The following RSRC1 variants were observed in gnomAD, a reference collection of about 807,000 sequenced individuals.
RSRC1 encodes arginine and serine rich coiled-coil 1.
Under a neutral mutation model 49.1 loss-of-function variants are expected in RSRC1, and 39 were observed. The observed-to-expected ratio is 0.79, with a 90% CI of 0.61 to 1.04. RSRC1 has a LOEUF of 1.04. Ranked by LOEUF, RSRC1 falls within the 50% of genes least tolerant of loss-of-function variation. RSRC1 has a pLI of 0.00. For synonymous variants in RSRC1, 143 were observed against 130.8 expected (o/e 1.09, Z -0.63); for missense variants, 388 against 402.4 (o/e 0.96, Z 0.31).
intron 7 of RSRC1, among the ~76,000 whole-genome samples, chr3:158,518,126 G>GTATA (rs1322921127): frequency 1.0e-3 from 72 of 68,838 alleles, no homozygotes; most frequent in South Asian, 1.8e-3. Flanking sequence ...GTGTGTGTGT[G>GTATA]TATATATATA....
In RSRC1 at chr3:158,544,814, T is replaced by A. The variant is rs1239038247; in HGVS notation, c.*539T>A. ...AAAAATTTTTGAAACTTAAATAAAT[T>A]GGTGATTTTGCTTAGAGATCAGCTT... On this transcript the variant is annotated 3_prime_UTR_variant, in exon 10 of 10. Transcript: ENST00000611884. 1 of 152,298 alleles carries A rather than the reference T, an allele frequency of 6.6e-6. No individual in the cohort carries two copies. The highest frequency in any genetic ancestry group is 1.9e-4 in the East Asian group (1 of 5,210). 9.4% of individuals were successfully genotyped at this position (152,298 alleles called of 1,614,324 possible).
chr3:158,258,717 G>A (rs1724717481), intron 4 of RSRC1, among the ~76,000 whole-genome samples: 1 of 152,004 alleles, frequency 6.6e-6, no homozygotes, highest in Non-Finnish European at 1.5e-5. Flanking sequence ...GGATCTTGTA[G>A]GTGTGCTTCA....
In RSRC1 at chr3:158,194,695, G is replaced by A. The variant is rs533748533; in HGVS notation, c.321-8377G>A. ...CGGTGTGTGATGTTCCCCTTCCTGT[G>A]TCCGTGTGTTCTCATTGTTCAATTC... On this transcript the variant is annotated intron_variant, in intron 3 of 9. Transcript: ENST00000611884. Among the ~76,000 whole-genome samples, 17 of 131,800 alleles carry A rather than the reference G, an allele frequency of 1.3e-4. No homozygotes were observed. The South Asian group carries it at 3.3e-3, about 25-fold the overall frequency. The allele number at this position is 131,800 out of a possible 152,430, so 86.5% of individuals were successfully genotyped here. A position where few individuals can be genotyped will look rare whatever the true frequency, so the allele number is the denominator to read the frequency against.
intron 5 of RSRC1, among the ~76,000 whole-genome samples, chr3:158,326,730 G>A (rs1227506822): frequency 6.6e-6 from 1 of 152,204 alleles, no homozygotes; most frequent in African/African-American, 2.4e-5. Flanking sequence ...GTATCAGGAT[G>A]ATGCTGGCCT....
intron 7 of RSRC1, among the ~76,000 whole-genome samples, chr3:158,466,159 C>T (rs181741839): frequency 1.3e-5 from 2 of 152,234 alleles, no homozygotes; most frequent in African/African-American, 2.4e-5. Context: ...TGTGTTAATT[C>T]ATTTTTAACT....
intron 7 of RSRC1, among the ~76,000 whole-genome samples, chr3:158,461,726 T>C (rs908479598): frequency 2.0e-5 from 3 of 151,880 alleles, no homozygotes; most frequent in African/African-American, 7.2e-5. Context: ...CATGTCACTT[T>C]ATTGGCTAAT....
intron 7 of RSRC1, among the ~76,000 whole-genome samples, chr3:158,517,117 C>T (rs543363113): frequency 1.9e-4 from 29 of 152,330 alleles, no homozygotes; most frequent in African/African-American, 6.5e-4. Context: ...ATCTTGGCTC[C>T]TCCCTCCATT....
chr3:158,405,911 A>C (rs772085999), intron 6 of RSRC1, among the ~76,000 whole-genome samples: 2 of 152,116 alleles, frequency 1.3e-5, no homozygotes, highest in Non-Finnish European at 2.9e-5. Flanking sequence ...AAAATTCTCA[A>C]AATTTACTTT....
chr3:158,457,745 T>G (rs1170773319), intron 6 of RSRC1, among the ~76,000 whole-genome samples: 2 of 138,968 alleles, frequency 1.4e-5, no homozygotes, highest in East Asian at 3.9e-4. Context: ...TTTTTGTTTT[T>G]TTTTTTTGTT....
intron 6 of RSRC1, among the ~76,000 whole-genome samples, chr3:158,368,361 C>T (rs1002485949): frequency 2.6e-5 from 4 of 152,220 alleles, no homozygotes; most frequent in African/African-American, 9.6e-5. Context: ...CCTGGCAGGC[C>T]TTGCAGGCCA....
chr3:158,390,317 C>T (rs1247525386), intron 6 of RSRC1, among the ~76,000 whole-genome samples: 1 of 152,170 alleles, frequency 6.6e-6, no homozygotes, highest in Non-Finnish European at 1.5e-5. Flanking sequence ...GTTTACCTTG[C>T]AACTATAGTT....
intron 5 of RSRC1, among the ~76,000 whole-genome samples, chr3:158,350,859 C>T (rs1730832956): frequency 6.6e-6 from 1 of 152,084 alleles, no homozygotes; most frequent in Admixed American, 6.5e-5. Context: ...CTAATACATG[C>T]TAAAATAACT....
intron 5 of RSRC1, among the ~76,000 whole-genome samples, chr3:158,324,648 T>C (rs1477475505): frequency 1.3e-5 from 2 of 152,194 alleles, no homozygotes; most frequent in African/African-American, 4.8e-5. Context: ...GACATTTGGG[T>C]TGGTTCCAAG....
chr3:158,212,368 A>G (rs1578202766), intron 4 of RSRC1, among the ~76,000 whole-genome samples: 1 of 150,462 alleles, frequency 6.6e-6, no homozygotes. Context: ...TCCAGACTGC[A>G]TTAAAAAAAA....
intron 1 of RSRC1, among the ~76,000 whole-genome samples, chr3:158,116,468 A>T (rs1714825363): frequency 6.6e-6 from 1 of 152,142 alleles, no homozygotes; most frequent in Non-Finnish European, 1.5e-5. Flanking sequence ...TATGTACTCG[A>T]GTGGAAATTT....
chr3:158,538,579 CT>C (rs1442261834), intron 8 of RSRC1, among the ~76,000 whole-genome samples: 1 of 151,890 alleles, frequency 6.6e-6, no homozygotes, highest in East Asian at 1.9e-4. Context: ...CATTTTCATT[CT>C]GTAGAAATGC....
intron 7 of RSRC1, among the ~76,000 whole-genome samples, chr3:158,490,018 T>C (rs999566466): frequency 6.6e-6 from 1 of 152,212 alleles, no homozygotes; most frequent in Non-Finnish European, 1.5e-5. Context: ...CTGGTTACAA[T>C]GTAAACAAAA....
rs567913960 is a variant in RSRC1, at chr3:158,503,875, G to A, written c.653-33217G>A. On this transcript the variant is annotated intron_variant, in intron 7 of 9. Coordinates refer to ENST00000611884, the MANE Select transcript of RSRC1 (RefSeq NM_001271838.2). Reference sequence around the variant, plus strand: ...TCTGCACACGGGATTTGTGCCCTCCGCTGAGTTCTGGCCAGGAGGCTTCCC... The same window carrying A: ...TCTGCACACGGGATTTGTGCCCTCCACTGAGTTCTGGCCAGGAGGCTTCCC... 4.6e-5 allele frequency among the ~76,000 whole-genome samples: 7 copies of A among 152,240 alleles called. No homozygotes were observed. In the South Asian group the frequency reaches 8.3e-4, roughly 18 times the overall value.
At chr3:158,477,798 TTATATATATATATATA>T (rs67839411) in intron 7 of RSRC1, among the ~76,000 whole-genome samples, 1 of 89,772 alleles carries the variant, frequency 1.1e-5, no homozygotes, top group African/African-American at 4.6e-5. Context: ...CGGGAGGGAT[TTATATATATATATATA>T]TATATATATA....
Sources: gnomAD v4.1 joint callset for allele counts (sites outside exome capture counted in the v4.1 genomes callset) on GRCh38, gnomAD v4.1.1 for gene constraint, MANE v1.5 for transcripts, NCBI Gene and HGNC (gene_info 2026-07-23, HGNC 2026-07-21) for gene names.